The following DOCK2 variants were observed in gnomAD, a reference collection of about 807,000 sequenced individuals.
DOCK2 encodes the protein dedicator of cytokinesis protein 2.
Under a neutral mutation model 248.9 loss-of-function variants are expected in DOCK2, and 87 were observed. That is an observed-to-expected ratio of 0.35 (90% CI 0.29 to 0.42). The LOEUF (loss-of-function observed/expected upper bound fraction) is 0.42, where lower values mean the gene tolerates loss of function less well. Ranked by LOEUF, DOCK2 falls within the 10% of genes least tolerant of loss-of-function variation. The pLI is 1.00. For synonymous variants in DOCK2, 805 were observed against 821.6 expected (o/e 0.98, Z 0.35); for missense variants, 1,747 against 2,300.2 (o/e 0.76, Z 4.92).
intron 46 of DOCK2, 152 bp downstream of exon 46, chr5:170,069,372 C>A: frequency 1.3e-6 from 1 of 745,578 alleles, no homozygotes; most frequent in Non-Finnish European, 2.3e-6. Flanking sequence ...CTCTGTATCA[C>A]ACCTGAGCAG....
intron 2 of DOCK2, among the ~76,000 whole-genome samples, chr5:169,665,785 G>A (rs1229311476): frequency 1.3e-5 from 2 of 152,158 alleles, no homozygotes; most frequent in Non-Finnish European, 2.9e-5. Context: ...ATGTGGCTTG[G>A]AAATGGCATA....
chr5:169,673,501 G>A (rs887343752), intron 5 of DOCK2, among the ~76,000 whole-genome samples: 2 of 151,872 alleles, frequency 1.3e-5, no homozygotes, highest in Admixed American at 6.6e-5. Flanking sequence ...TAAATACAAT[G>A]AAAACAAGAT....
At chr5:169,786,217 T>G (rs1202238882) in intron 25 of DOCK2, among the ~76,000 whole-genome samples, 1 of 152,172 alleles carries the variant, frequency 6.6e-6, no homozygotes, top group East Asian at 1.9e-4. Context: ...TAAATTATGA[T>G]CACTCACTCT....
At chr5:169,707,762 A>T (rs142407279) in intron 14 of DOCK2, among the ~76,000 whole-genome samples, 1,962 of 152,306 alleles carry the variant, frequency 0.013, 53 homozygotes, top group Admixed American at 0.062. Flanking sequence ...GTAGAAATTC[A>T]TCGCAAAGAG....
At chr5:169,857,937 A>G (rs923632804) in intron 27 of DOCK2, among the ~76,000 whole-genome samples, 5 of 152,142 alleles carry the variant, frequency 3.3e-5, no homozygotes, top group African/African-American at 9.7e-5. Context: ...GTTTCTGAAG[A>G]TCCTTTTGGT....
At chr5:169,809,815 C>T (rs1269873630) in intron 26 of DOCK2, among the ~76,000 whole-genome samples, 2 of 152,160 alleles carry the variant, frequency 1.3e-5, no homozygotes, top group Non-Finnish European at 2.9e-5. Flanking sequence ...GGCGGAGTGC[C>T]GTTCACACTG....
rs151112763 is a variant in DOCK2, at chr5:169,780,590, T to C, written c.2554+18965T>C. On this transcript the variant is annotated intron_variant, in intron 25 of 51. Transcript: ENST00000520908. ...TCTCGTGCTTCTCTAAGATTTTCCT[T>C]GTGCTTACGTAACACCAGCTTCCTG... Among the ~76,000 whole-genome samples the C allele has an allele frequency of 3.8e-3, 578 of 152,314 alleles. 4 individuals carry two copies. Among genetic ancestry groups the C allele is most frequent in the African/African-American group, 0.013 (550 of 41,562 alleles).
At chr5:169,852,061 C>G (rs1770646731) in intron 27 of DOCK2, among the ~76,000 whole-genome samples, 1 of 152,148 alleles carries the variant, frequency 6.6e-6, no homozygotes, top group East Asian at 1.9e-4. Flanking sequence ...ATAGGGACTG[C>G]AGCTGTCAGC....
At chr5:170,081,663 G>T in intron 50 of DOCK2, 179 bp from the exon 51 acceptor site, 1 of 702,132 alleles carries the variant, frequency 1.4e-6, no homozygotes, top group Non-Finnish European at 2.3e-6. Flanking sequence ...ACTGCAAGAG[G>T]ACAGCTTCAA....
chr5:169,679,693 C>G (rs1428060648), intron 6 of DOCK2, among the ~76,000 whole-genome samples: 1 of 152,188 alleles, frequency 6.6e-6, no homozygotes, highest in East Asian at 1.9e-4. Flanking sequence ...TGTTTCTTCC[C>G]CCTTAGCATT....
chr5:169,705,997 T>C (rs1761240460), intron 14 of DOCK2, among the ~76,000 whole-genome samples: 1 of 152,254 alleles, frequency 6.6e-6, no homozygotes, highest in Non-Finnish European at 1.5e-5. Context: ...ACAGTGTTAT[T>C]TGAGATATAT....
At chr5:170,055,641 T>C (rs980744572) in intron 42 of DOCK2, among the ~76,000 whole-genome samples, 1 of 152,256 alleles carries the variant, frequency 6.6e-6, no homozygotes, top group Non-Finnish European at 1.5e-5. Flanking sequence ...ATCGAGCATT[T>C]GCTCAACTGG....
At chr5:169,642,316 T>C (rs1447594347) in intron 1 of DOCK2, among the ~76,000 whole-genome samples, 1 of 152,252 alleles carries the variant, frequency 6.6e-6, no homozygotes, top group African/African-American at 2.4e-5. Context: ...TAGGCCAATA[T>C]GGCCCCTATC....
Position 169,681,801 on chromosome 5 carries a change from T to A in DOCK2, c.528T>A (p.Asp176Glu), listed in dbSNP as rs1042710024. The A allele has an allele frequency of 1.9e-6, 3 of 1,613,812 alleles. No individual in the cohort carries two copies. Among genetic ancestry groups the A allele is most frequent in the African/African-American group, 2.7e-5 (2 of 74,948 alleles). The change falls in exon 7 of 52, where the codon GAT becomes GAA. Residue 176 changes from aspartate (D) to glutamate (E), a missense_variant. By Grantham distance (45) the Asp-to-Glu change is conservative (BLOSUM62 2). Around this residue, in one of 4 missense-constraint regions of DOCK2, gnomAD observed 375 missense variants for 510.9 expected, o/e 0.73. Coordinates refer to ENST00000520908, the MANE Select transcript of DOCK2 (RefSeq NM_004946.3). ...AAGACGGAAATATCTTGGACCCTGA[T>A]AATACCAGTGTCATCAGCTTGTTCC... ...RDEDGNILDPDNTSVISLFHA... is the reference protein window; with the variant it reads ...RDEDGNILDPENTSVISLFHA...
chr5:169,945,992 C>G (rs574746244), intron 27 of DOCK2, among the ~76,000 whole-genome samples: 2 of 152,126 alleles, frequency 1.3e-5, no homozygotes, highest in South Asian at 4.1e-4. Flanking sequence ...TGCAACACCC[C>G]GGTGCCATCC....
chr5:169,696,409 C>T (rs1023121116), intron 10 of DOCK2, among the ~76,000 whole-genome samples: 2 of 152,236 alleles, frequency 1.3e-5, no homozygotes, highest in African/African-American at 4.8e-5. Flanking sequence ...GGCTGCTGTA[C>T]AGCAACATCA....
chr5:169,889,180 G>A (rs1237945069), intron 27 of DOCK2, among the ~76,000 whole-genome samples: 1 of 152,212 alleles, frequency 6.6e-6, no homozygotes, highest in Non-Finnish European at 1.5e-5. Context: ...ACATGGAATA[G>A]TTGGATAGTT....
At chr5:170,012,790 A>G (rs1755351393) in intron 32 of DOCK2, among the ~76,000 whole-genome samples, 1 of 152,220 alleles carries the variant, frequency 6.6e-6, no homozygotes, top group Admixed American at 6.5e-5. Context: ...AAGACTTTGC[A>G]CTTAATCCTC....
rs1209702378 is a variant in DOCK2, at chr5:169,861,075, G to C, written c.2799+20223G>C. On this transcript the variant is annotated intron_variant, in intron 27 of 51. Transcript: ENST00000520908. ...CTGTACATCCATGGAATGAGGCTGG[G>C]AGCAGCTCTCCATTTATTCATGCTG... is the stretch of plus-strand genomic sequence containing the variant. Among the ~76,000 whole-genome samples the C allele has an allele frequency of 2.6e-5, 4 of 152,158 alleles. No homozygotes were observed. In the East Asian group the frequency reaches 7.7e-4, roughly 29 times the overall value.
Sources: gnomAD v4.1 joint callset for allele counts (sites outside exome capture counted in the v4.1 genomes callset) on GRCh38, gnomAD v4.1.1 for gene constraint, gnomAD v4.1.1 regional missense constraint, MANE v1.5 for transcripts, NCBI Gene and HGNC (gene_info 2026-07-23, HGNC 2026-07-21) for gene names.